GOLGB1: variants seen among roughly 807,000 people sequenced by gnomAD.
The protein encoded by GOLGB1 is golgin B1, also known as golgin subfamily B member 1.
Under a neutral mutation model 336.9 loss-of-function variants are expected in GOLGB1, and 174 were observed. That is an observed-to-expected ratio of 0.52 (90% CI 0.46 to 0.59). The LOEUF (loss-of-function observed/expected upper bound fraction) is 0.59, where lower values mean the gene tolerates loss of function less well. GOLGB1 is among the 20% of genes least tolerant of loss of function. The pLI is 0.00. For missense variants in GOLGB1, 3,331 were observed against 3,645.3 expected (o/e 0.91, Z 2.22); for synonymous variants, 1,208 against 1,289.2 (o/e 0.94, Z 1.35).
rs780550350 is a variant in GOLGB1, at chr3:121,731,022, A to G, written c.-2-49T>C. ...AAACCTAAGAATCAGCAAAATGAAC[A>G]TAGGCTTCTCCTATATTGATAACCA... On this transcript the variant is annotated intron_variant, in intron 1 of 21. Coordinates refer to ENST00000614479, the MANE Select transcript of GOLGB1 (RefSeq NM_001366282.2). The G allele has an allele frequency of 5.7e-6, 9 of 1,575,720 alleles. No individual in the cohort carries two copies. In the South Asian group the frequency reaches 6.9e-5, roughly 12 times the overall value.
intron 10 of GOLGB1, among the ~76,000 whole-genome samples, chr3:121,703,175 T>C (rs1005066412): frequency 6.6e-6 from 1 of 152,222 alleles, no homozygotes; most frequent in African/African-American, 2.4e-5. Flanking sequence ...TGTCTTTGTA[T>C]ATATTTTTTA....
chr3:121,664,654 T>C, intron 21 of GOLGB1, 40 bp from the exon 22 acceptor site: 8 of 1,598,136 alleles, frequency 5.0e-6, no homozygotes, highest in South Asian at 1.1e-5. Context: ...TTTCACCCTA[T>C]AGGGCTATGT....
chr3:121,721,815 C>T (rs901033997), intron 6 of GOLGB1, among the ~76,000 whole-genome samples: 4 of 152,056 alleles, frequency 2.6e-5, no homozygotes, highest in African/African-American at 9.7e-5. Context: ...TACAGGCTCA[C>T]TAAGTAATCT....
intron 12 of GOLGB1, among the ~76,000 whole-genome samples, chr3:121,699,566 T>A (rs1172922127): frequency 6.6e-6 from 1 of 152,224 alleles, no homozygotes; most frequent in Non-Finnish European, 1.5e-5. Flanking sequence ...TATAAAAAAA[T>A]GTGTTATCAA....
chr3:121,684,127 C>CAAAAAAAAA (rs61510295), intron 14 of GOLGB1, among the ~76,000 whole-genome samples: 169 of 10,708 alleles, frequency 0.016, 1 homozygote, highest in Non-Finnish European at 0.021. Flanking sequence ...GACGCCGTCT[C>CAAAAAAAAA]AAAAAAAAAA....
intron 17 of GOLGB1, among the ~76,000 whole-genome samples, chr3:121,675,050 A>G (rs889561191): frequency 1.3e-5 from 2 of 151,134 alleles, no homozygotes; most frequent in South Asian, 2.1e-4. Context: ...GTTAGCCAGG[A>G]TGGTCTCGAT....
intron 10 of GOLGB1, among the ~76,000 whole-genome samples, chr3:121,708,483 A>T (rs1408857464): frequency 1.3e-5 from 2 of 151,862 alleles, no homozygotes; most frequent in Admixed American, 6.6e-5. Context: ...AAAAAAAAAA[A>T]TTTGCCAGGC....
intron 11 of GOLGB1, 42 bp from the exon 12 acceptor site, chr3:121,699,927 A>T (rs1444855200): frequency 4.3e-6 from 5 of 1,166,572 alleles, no homozygotes; most frequent in Non-Finnish European, 6.3e-6. Flanking sequence ...ATATATGTGG[A>T]GTGTGTGAAA....
At chr3:121,669,400 C>T in intron 17 of GOLGB1, 45 bp from the exon 18 acceptor site, 2 of 1,533,230 alleles carry the variant, frequency 1.3e-6, no homozygotes, top group Non-Finnish European at 1.8e-6. Context: ...GTACTGTAAG[C>T]AGTGCTGAGG....
chr3:121,732,189 T>C (rs1946166576), intron 1 of GOLGB1, among the ~76,000 whole-genome samples: 1 of 152,110 alleles, frequency 6.6e-6, no homozygotes, highest in Admixed American at 6.5e-5. Context: ...CACACACACA[T>C]ATATATACAC....
chr3:121,696,618 G>A lies in GOLGB1; in HGVS notation c.3905C>T (p.Ala1302Val). The A allele has an allele frequency of 6.2e-7, 1 of 1,614,150 alleles. No individual in the cohort carries two copies. Among genetic ancestry groups the A allele is most frequent in the Non-Finnish European group, 8.5e-7 (1 of 1,180,022 alleles). ...DWPSHSEDAS[A>V]LQGGTSVAQI... ...GGCAACAGAAGTTCCGCCCTGCAGA[G>A]CACTCGCATCTTCAGAATGAGAAGG... Residue 1302 changes from alanine to valine, a missense_variant, in exon 13 of 22, where the codon GCT (alanine) becomes GTT (valine). Ala to Val is a moderately conservative substitution (Grantham distance 64, BLOSUM62 0). Transcript: ENST00000614479.
intron 14 of GOLGB1, among the ~76,000 whole-genome samples, chr3:121,688,331 G>A (rs1043903429): frequency 2.6e-5 from 4 of 152,182 alleles, no homozygotes; most frequent in South Asian, 4.1e-4. Flanking sequence ...GATTGCAGGC[G>A]CGCGCCGCCA....
chr3:121,730,063 A>G (rs1945971869), intron 2 of GOLGB1, 46 bp from the exon 3 acceptor site: 8 of 1,405,412 alleles, frequency 5.7e-6, no homozygotes, highest in Non-Finnish European at 7.9e-6. Flanking sequence ...AAAAGGTATT[A>G]GCTTCCCAAC....
rs1942488816 is a variant in GOLGB1, at chr3:121,692,139, G to T, written c.7225C>A (p.Gln2409Lys). The change falls in exon 14 of 22, where the codon CAG (glutamine) becomes AAG (lysine). Residue 2409 changes from glutamine (Q) to lysine (K), a missense_variant. By Grantham distance (53) the Gln-to-Lys change is moderately conservative. Coordinates refer to ENST00000614479, the MANE Select transcript of GOLGB1 (RefSeq NM_001366282.2). ...AIQVAIAELR[Q>K]QHDKEIKELE... is the part of the protein sequence containing the mutation. Reference sequence around the variant, plus strand: ...TCTTTAATTTCTTTATCATGTTGCTGACGCAGTTCAGCAATAGCTACTTGG... The same window carrying T: ...TCTTTAATTTCTTTATCATGTTGCTTACGCAGTTCAGCAATAGCTACTTGG... The T allele has an allele frequency of 1.9e-6, 3 of 1,612,924 alleles. No homozygotes were observed. Among genetic ancestry groups the T allele is most frequent in the Non-Finnish European group, 2.5e-6 (3 of 1,179,668 alleles).
rs748540111 is a variant in GOLGB1 at position 121,690,840 on chromosome 3, C to T, written c.8524G>A (p.Ala2842Thr). The T allele has an allele frequency of 1.2e-6, 2 of 1,612,470 alleles. No homozygotes were observed. Among genetic ancestry groups the T allele is most frequent in the Non-Finnish European group, 1.7e-6 (2 of 1,179,284 alleles). Residue 2842 changes from alanine to threonine, a missense_variant, in exon 14 of 22, where the codon GCT (alanine) becomes ACT (threonine). Ala to Thr is a moderately conservative substitution (Grantham distance 58). Transcript: ENST00000614479. The stretch of plus-strand genomic sequence containing the variant: ...CTCTCATTCTGCAGACTGGCCATAG[C>T]CTTGGAAAAGGACTGCACTTGGTTA... ...SYNQVQSFSK[A>T]MASLQNERDH...
chr3:121,692,437 C>T lies in GOLGB1; in HGVS notation c.6927G>A (p.Gln2309=). Residue 2309 remains glutamine (Q), a synonymous_variant, in exon 14 of 22, where the codon CAG becomes CAA. Transcript: ENST00000614479. Reference sequence around the variant, plus strand: ...CTGATTCCAACTTAGCTAATTCATTCTGAGAACTGTGGTATAGGTGGCGTG... The same window carrying T: ...CTGATTCCAACTTAGCTAATTCATTTTGAGAACTGTGGTATAGGTGGCGTG... ...EETRHLYHSS[Q]NELAKLESEL... 1 of 1,614,062 alleles carries T rather than the reference C, an allele frequency of 6.2e-7. No individual in the cohort carries two copies. The highest frequency in any genetic ancestry group is 8.5e-7 in the Non-Finnish European group (1 of 1,179,972).
Position 121,669,308 on chromosome 3 carries a change from G to A in GOLGB1, c.9225C>T (p.Cys3075=), listed in dbSNP as rs1023682165. Residue 3075 remains cysteine, a synonymous_variant, in exon 18 of 22, where the codon TGC becomes TGT. Coordinates refer to ENST00000614479, the MANE Select transcript of GOLGB1 (RefSeq NM_001366282.2). The part of the protein sequence containing the change: ...EEKNTLSIQL[C]DTSQSLRENQ... ...TCTCACGAAGACTCTGACTGGTATC[G>A]CAGAGCTGAATGGAAAGGGTGTTTT... 5 of 1,613,348 alleles carry A rather than the reference G, an allele frequency of 3.1e-6. No individual in the cohort carries two copies. The highest frequency in any genetic ancestry group is 2.7e-5 in the African/African-American group (2 of 74,900).
intron 10 of GOLGB1, among the ~76,000 whole-genome samples, chr3:121,706,819 AAAG>A (rs1334561244): frequency 1.8e-4 from 27 of 151,676 alleles, no homozygotes; most frequent in African/African-American, 6.5e-4. Flanking sequence ...TAGAGAAATG[AAAG>A]AAAAAAAAAC....
intron 14 of GOLGB1, among the ~76,000 whole-genome samples, chr3:121,683,333 G>A (rs1452940967): frequency 6.6e-6 from 1 of 152,122 alleles, no homozygotes; most frequent in Non-Finnish European, 1.5e-5. Flanking sequence ...ACAGTTACAA[G>A]TAAGGGTATT....
Sources: allele counts gnomAD v4.1 joint callset (sites outside exome capture counted in the v4.1 genomes callset), GRCh38; gene constraint gnomAD v4.1.1; transcripts MANE v1.5; gene names NCBI Gene and HGNC (gene_info 2026-07-23, HGNC 2026-07-21).